Variants in DSCAM observed in about 807,000 individuals in gnomAD.
DSCAM encodes cell adhesion molecule DSCAM.
In DSCAM, 47 loss-of-function variants were observed where a neutral mutation model predicts 217.7. The observed-to-expected ratio is 0.22, with a 90% CI of 0.17 to 0.28. The LOEUF (loss-of-function observed/expected upper bound fraction) is 0.28, where lower values mean the gene tolerates loss of function less well. DSCAM is among the 10% of genes least tolerant of loss of function. The pLI is 1.00. For missense variants in DSCAM, 2,080 were observed against 2,618.3 expected (o/e 0.79, Z 4.49); for synonymous variants, 1,056 against 1,015.3 (o/e 1.04, Z -0.76).
At chr21:40,651,057 C>T (rs570483302) in intron 3 of DSCAM, among the ~76,000 whole-genome samples, 3 of 152,160 alleles carry the variant, frequency 2.0e-5, no homozygotes, top group South Asian at 2.1e-4. Context: ...ACCCATGATC[C>T]GAGGAAAAGT....
At position 40,806,143 on chromosome 21, in the gene DSCAM, G is replaced by A. The variant is rs1185668861; in HGVS notation, c.43+40476C>T. Among the ~76,000 whole-genome samples, 9 of 152,290 alleles carry A rather than the reference G, an allele frequency of 5.9e-5. No homozygotes were observed. The East Asian group carries it at 1.7e-3, about 29-fold the overall frequency. On this transcript the variant is annotated intron_variant, in intron 1 of 32. Coordinates refer to ENST00000400454, the MANE Select transcript of DSCAM (RefSeq NM_001389.5). ...AGCACATCATGATTTACTATCCCTG[G>A]AAGCCTTCTCACTATGAGGCTGGCC... is the stretch of plus-strand genomic sequence containing the variant.
chr21:40,460,688 A>G (rs1196120083), intron 3 of DSCAM, among the ~76,000 whole-genome samples: 2 of 152,236 alleles, frequency 1.3e-5, no homozygotes, highest in Non-Finnish European at 2.9e-5. Flanking sequence ...AGGAAATATG[A>G]TTGCTAAGAA....
At chr21:40,368,217 C>A (rs1266260391) in intron 4 of DSCAM, among the ~76,000 whole-genome samples, 1 of 152,126 alleles carries the variant, frequency 6.6e-6, no homozygotes, top group Admixed American at 6.5e-5. Flanking sequence ...TAGAAAATTT[C>A]TCTTTAACAC....
intron 15 of DSCAM, among the ~76,000 whole-genome samples, chr21:40,178,177 C>A (rs1432692948): frequency 2.0e-5 from 3 of 152,112 alleles, no homozygotes; most frequent in African/African-American, 7.3e-5. Flanking sequence ...CAGTTCTCTG[C>A]ACACCTGTTA....
intron 16 of DSCAM, among the ~76,000 whole-genome samples, chr21:40,151,248 T>C (rs546588180): frequency 1.6e-4 from 24 of 152,228 alleles, no homozygotes; most frequent in African/African-American, 4.3e-4. Context: ...TTCCTTCTTC[T>C]TTCAAAGAAT....
intron 1 of DSCAM, among the ~76,000 whole-genome samples, chr21:40,771,129 G>C (rs2091440533): frequency 2.0e-5 from 3 of 152,198 alleles, no homozygotes; most frequent in African/African-American, 4.8e-5. Context: ...GCAGTGTAAA[G>C]AGCTGTAGGC....
intron 3 of DSCAM, among the ~76,000 whole-genome samples, chr21:40,573,531 G>A (rs932402544): frequency 2.6e-5 from 4 of 152,122 alleles, no homozygotes; most frequent in African/African-American, 9.7e-5. Context: ...AGTGAAGGTG[G>A]TGCATAGAGG....
intron 5 of DSCAM, among the ~76,000 whole-genome samples, chr21:40,350,104 C>T (rs1040914233): frequency 1.3e-5 from 2 of 152,154 alleles, no homozygotes. Context: ...GCTGAACCTA[C>T]AGGTTTGTTT....
chr21:40,813,973 T>G (rs1337012520), intron 1 of DSCAM, among the ~76,000 whole-genome samples: 1 of 152,124 alleles, frequency 6.6e-6, no homozygotes, highest in African/African-American at 2.4e-5. Context: ...TGGAGTTAAT[T>G]TCCAGCTTTA....
chr21:40,209,040 G>A (rs984976406), intron 11 of DSCAM, among the ~76,000 whole-genome samples: 9 of 152,146 alleles, frequency 5.9e-5, no homozygotes, highest in African/African-American at 9.7e-5. Context: ...TTGAGAACTC[G>A]CATTCAGGAT....
intron 3 of DSCAM, among the ~76,000 whole-genome samples, chr21:40,469,935 C>T (rs368264544): frequency 1.3e-5 from 2 of 152,092 alleles, no homozygotes; most frequent in Non-Finnish European, 2.9e-5. Flanking sequence ...GTGGAAAAAA[C>T]GGTTTTAGAA....
chr21:40,229,698 T>C (rs2091364014), intron 11 of DSCAM, among the ~76,000 whole-genome samples: 2 of 152,244 alleles, frequency 1.3e-5, no homozygotes, highest in Admixed American at 6.5e-5. Context: ...CTGAATAATA[T>C]TCTACTGTCG....
At chr21:40,539,326 T>G (rs2146128357) in intron 3 of DSCAM, among the ~76,000 whole-genome samples, 1 of 151,444 alleles carries the variant, frequency 6.6e-6, no homozygotes, top group East Asian at 1.9e-4. Flanking sequence ...CGCCGTCGTC[T>G]CTACTAAAAA....
At chr21:40,746,252 C>T (rs748029409) in intron 1 of DSCAM, among the ~76,000 whole-genome samples, 2 of 151,402 alleles carry the variant, frequency 1.3e-5, no homozygotes, top group Non-Finnish European at 3.0e-5. Flanking sequence ...AATTAAGAGA[C>T]ATAGAGTGAC....
chr21:40,361,826 T>G (rs2074769611), intron 4 of DSCAM, among the ~76,000 whole-genome samples: 1 of 152,204 alleles, frequency 6.6e-6, no homozygotes, highest in African/African-American at 2.4e-5. Context: ...AACAATTGAA[T>G]TAATTAAATC....
intron 11 of DSCAM, among the ~76,000 whole-genome samples, chr21:40,249,777 T>G (rs1156740752): frequency 6.6e-6 from 1 of 152,080 alleles, no homozygotes; most frequent in African/African-American, 2.4e-5. Context: ...CATGGCTTCA[T>G]GGGGAAAATG....
intron 3 of DSCAM, among the ~76,000 whole-genome samples, chr21:40,427,258 CCCG>C (rs2075483815): frequency 1.3e-5 from 2 of 152,098 alleles, no homozygotes; most frequent in African/African-American, 4.8e-5. Context: ...TGGGCATGAA[CCCG>C]TGTGTCCCAG....
At chr21:40,507,698 G>A (rs1225620066) in intron 3 of DSCAM, among the ~76,000 whole-genome samples, 1 of 152,170 alleles carries the variant, frequency 6.6e-6, no homozygotes, top group African/African-American at 2.4e-5. Context: ...GCTGAGGCAG[G>A]AGGATCTCTT....
intron 1 of DSCAM, among the ~76,000 whole-genome samples, chr21:40,768,277 C>T (rs1246062254): frequency 6.6e-6 from 1 of 152,190 alleles, no homozygotes; most frequent in East Asian, 1.9e-4. Context: ...TGAGCCAAGA[C>T]AGGTGGCCTT....
Sources: gnomAD v4.1 joint callset for allele counts (sites outside exome capture counted in the v4.1 genomes callset) on GRCh38, gnomAD v4.1.1 for gene constraint, MANE v1.5 for transcripts, NCBI Gene and HGNC (gene_info 2026-07-23, HGNC 2026-07-21) for gene names.